PDE6D: variants seen among roughly 807,000 people sequenced by gnomAD.
The protein encoded by PDE6D is phosphodiesterase 6D.
In PDE6D, 10 loss-of-function variants were observed where a neutral mutation model predicts 21.9. The ratio of observed to expected loss-of-function variants is 0.46; its 90% CI spans 0.28 to 0.78. The LOEUF (loss-of-function observed/expected upper bound fraction) is 0.78. Among genes scored for constraint, PDE6D ranks in the 30% least tolerant of loss-of-function variants. The pLI is 0.12. For missense variants in PDE6D, 139 were observed against 184.8 expected (o/e 0.75, Z 1.44); for synonymous variants, 59 against 63.5 (o/e 0.93, Z 0.34).
intron 1 of PDE6D, among the ~76,000 whole-genome samples, chr2:231,744,906 T>A (rs1260318144): frequency 6.6e-6 from 1 of 152,196 alleles, no homozygotes; most frequent in Non-Finnish European, 1.5e-5. Flanking sequence ...TTTTAATCCT[T>A]AACAAGTTTT....
chr2:231,777,952 G>A (rs2049070392), intron 1 of PDE6D, among the ~76,000 whole-genome samples: 1 of 152,302 alleles, frequency 6.6e-6, no homozygotes, highest in Admixed American at 6.5e-5. Context: ...GATACAAAAT[G>A]CAAAAGCCAG....
intron 1 of PDE6D, among the ~76,000 whole-genome samples, chr2:231,743,284 C>T (rs1003156126): frequency 4.6e-5 from 7 of 151,706 alleles, no homozygotes; most frequent in Admixed American, 1.3e-4. Flanking sequence ...ATTAGCTGGG[C>T]GTGGTGGTGT....
rs2048733439 is a variant in PDE6D at position 231,739,867 on chromosome 2, A to G, written c.51-679T>C. ...GGCTGGTCTCGAACTCCTGACCTCA[A>G]GTGATCTGTCTGCCTCAGCCTCTGA... is the stretch of plus-strand genomic sequence containing the variant. On this transcript the variant is annotated intron_variant, in intron 1 of 4. Coordinates refer to ENST00000287600, the MANE Select transcript of PDE6D (RefSeq NM_002601.4). The surrounding 1 kb of genome is among the most constrained non-coding windows in gnomAD (Gnocchi z 4.2). Among the ~76,000 whole-genome samples the G allele has an allele frequency of 6.6e-6, 1 of 152,154 alleles. No homozygotes were observed. The highest frequency in any genetic ancestry group is 2.4e-5 in the African/African-American group (1 of 41,434).
chr2:231,767,293 A>G (rs909877186), intron 1 of PDE6D, among the ~76,000 whole-genome samples: 1 of 152,104 alleles, frequency 6.6e-6, no homozygotes, highest in Non-Finnish European at 1.5e-5. Context: ...CAAATTTCAT[A>G]ACATCTCCAT....
intron 1 of PDE6D, among the ~76,000 whole-genome samples, chr2:231,744,723 C>T (rs951068069): frequency 6.6e-6 from 1 of 152,022 alleles, no homozygotes; most frequent in African/African-American, 2.4e-5. Context: ...GTTGAGCCAC[C>T]GTGCCCGGCC....
chr2:231,754,357 C>CTT (rs1032135919), intron 1 of PDE6D, among the ~76,000 whole-genome samples: 1,893 of 132,644 alleles, frequency 0.014, 38 homozygotes, highest in South Asian at 0.041. Flanking sequence ...TGGCTTTTGT[C>CTT]TTTTTTTTTT....
At chr2:231,767,653 A>C (rs772893988) in intron 1 of PDE6D, among the ~76,000 whole-genome samples, 23 of 152,122 alleles carry the variant, frequency 1.5e-4, no homozygotes, top group Non-Finnish European at 2.8e-4. Flanking sequence ...GACTTGTACA[A>C]AGTCAGCTTA....
In PDE6D at chr2:231,750,660, ATTTTTT is replaced by A. The variant is rs561604556; in HGVS notation, c.51-11478_51-11473del. Reference sequence around the variant, plus strand: ...AGGTGTGTGCCACCATGCTCATCTAATTTTTTTTTTTTTTTTTTTTTTTTTTTAGTA... The same window carrying A: ...AGGTGTGTGCCACCATGCTCATCTAATTTTTTTTTTTTTTTTTTTTTAGTA... On this transcript the variant is annotated intron_variant, in intron 1 of 4. Coordinates refer to ENST00000287600, the MANE Select transcript of PDE6D (RefSeq NM_002601.4). Among the ~76,000 whole-genome samples, 134 of 92,086 alleles carry A rather than the reference ATTTTTT, an allele frequency of 1.5e-3. 5 individuals are homozygous for A. Among genetic ancestry groups the A allele is most frequent in the Non-Finnish European group, 6.4e-4 (33 of 51,920 alleles). 60.4% of individuals were successfully genotyped at this position (92,086 alleles called of 152,430 possible). A position where few individuals can be genotyped will look rare whatever the true frequency, so the allele number is the denominator to read the frequency against.
At position 231,753,473 on chromosome 2, in the gene PDE6D, C is replaced by A. The variant is rs556018043; in HGVS notation, c.51-14285G>T. Among the ~76,000 whole-genome samples the A allele has an allele frequency of 4.4e-4, 67 of 152,060 alleles. 2 individuals carry two copies. Among genetic ancestry groups the A allele is most frequent in the African/African-American group, 1.6e-3 (66 of 41,496 alleles). ...GGGTGAGGCGGGAGAATGGCGTGAA[C>A]CTGGGAGGCGGAGCTTGCAGTGAGC... On this transcript the variant is annotated intron_variant, in intron 1 of 4. Coordinates refer to ENST00000287600, the MANE Select transcript of PDE6D (RefSeq NM_002601.4).
intron 1 of PDE6D, among the ~76,000 whole-genome samples, chr2:231,774,386 G>A (rs1388847275): frequency 6.6e-6 from 1 of 152,168 alleles, no homozygotes; most frequent in African/African-American, 2.4e-5. Flanking sequence ...CAGAGTCTGA[G>A]TGTTCTGTTG....
In PDE6D at chr2:231,749,502, C is replaced by CT. The variant is rs150014433; in HGVS notation, c.51-10315dup. ...AGGCAAGGCAAAGTCTCAGATGAGA[C>CT]TTTTTTTTTTTTTTTTTTGAGATGG... On this transcript the variant is annotated intron_variant, in intron 1 of 4. Coordinates refer to ENST00000287600, the MANE Select transcript of PDE6D (RefSeq NM_002601.4). Among the ~76,000 whole-genome samples, 187 of 122,930 alleles carry CT rather than the reference C, an allele frequency of 1.5e-3. 2 individuals are homozygous for CT. Among genetic ancestry groups the CT allele is most frequent in the East Asian group, 4.8e-3 (21 of 4,334 alleles). The allele number at this position is 122,930 out of a possible 152,430, so 80.6% of individuals were successfully genotyped here.
intron 4 of PDE6D, among the ~76,000 whole-genome samples, chr2:231,735,096 G>C (rs971159597): frequency 1.3e-5 from 2 of 149,268 alleles, no homozygotes; most frequent in African/African-American, 4.9e-5. Context: ...CGAAAAATTA[G>C]CTGGGCGTGG....
chr2:231,778,409 A>G (rs1170528370), intron 1 of PDE6D, among the ~76,000 whole-genome samples: 1 of 152,270 alleles, frequency 6.6e-6, no homozygotes, highest in Non-Finnish European at 1.5e-5. Context: ...ACATCTACAA[A>G]TAAGAAAAAT....
chr2:231,747,660 C>T (rs2048805143), intron 1 of PDE6D, among the ~76,000 whole-genome samples: 1 of 152,180 alleles, frequency 6.6e-6, no homozygotes, highest in African/African-American at 2.4e-5. Flanking sequence ...CTTTCCTCTG[C>T]ACTTAAAAAA....
At chr2:231,766,191 A>G (rs2048969510) in intron 1 of PDE6D, among the ~76,000 whole-genome samples, 2 of 152,150 alleles carry the variant, frequency 1.3e-5, no homozygotes, top group Non-Finnish European at 2.9e-5. Context: ...GTGAAATAAT[A>G]CTCTTGTGCT....
In PDE6D at chr2:231,771,726, T is replaced by C. The variant is rs1208748400; in HGVS notation, c.50+9339A>G. Reference sequence around the variant, plus strand: ...CACTTCAATACTGAGTGTCTCAGAGTTGTGTCAGAAACAAAAAGGAAACAA... The same window carrying C: ...CACTTCAATACTGAGTGTCTCAGAGCTGTGTCAGAAACAAAAAGGAAACAA... On this transcript the variant is annotated intron_variant, in intron 1 of 4. Transcript: ENST00000287600. Among the ~76,000 whole-genome samples the C allele has an allele frequency of 2.6e-5, 4 of 152,184 alleles. No homozygotes were observed. In the South Asian group the frequency reaches 6.2e-4, roughly 24 times the overall value.
chr2:231,737,184 CACGTTAAG>C lies in PDE6D; in HGVS notation c.366_371+2del. The stretch of plus-strand genomic sequence containing the variant: ...CATAATTTCCTGAGACCTGCTCACT[CACGTTAAG>C]ACGCTTGCTGGCATCATCTGGGACT... On this transcript the variant is annotated splice_donor_variant and coding_sequence_variant, in exon 4 of 5. Coordinates refer to ENST00000287600, the MANE Select transcript of PDE6D (RefSeq NM_002601.4). LOFTEE classifies it high-confidence loss of function. 6.4e-7 allele frequency: 1 copy of C among 1,569,556 alleles called. No individual in the cohort carries two copies. The highest frequency in any genetic ancestry group is 8.8e-7 in the Non-Finnish European group (1 of 1,140,062).
intron 1 of PDE6D, among the ~76,000 whole-genome samples, chr2:231,761,852 G>A (rs2048932711): frequency 6.6e-6 from 1 of 152,110 alleles, no homozygotes; most frequent in South Asian, 2.1e-4. Flanking sequence ...ACTCACAGCT[G>A]GTAAATAACA....
chr2:231,761,128 C>T (rs1030598618), intron 1 of PDE6D, among the ~76,000 whole-genome samples: 24 of 151,870 alleles, frequency 1.6e-4, no homozygotes, highest in South Asian at 1.0e-3. Context: ...AAAGGCTAAA[C>T]GGAAATCCCA....
Sources: gnomAD v4.1 joint callset for allele counts (sites outside exome capture counted in the v4.1 genomes callset) on GRCh38, gnomAD v4.1.1 for gene constraint, Gnocchi (gnomAD v3.1) non-coding constraint, MANE v1.5 for transcripts, NCBI Gene and HGNC (gene_info 2026-07-23, HGNC 2026-07-21) for gene names.